PTPRA: variants seen among roughly 807,000 people sequenced by gnomAD.
The protein encoded by PTPRA is protein tyrosine phosphatase receptor type A.
Under a neutral mutation model 104.8 loss-of-function variants are expected in PTPRA, and 25 were observed. The ratio of observed to expected loss-of-function variants is 0.24; its 90% CI spans 0.17 to 0.33. PTPRA has a LOEUF of 0.33. PTPRA is among the 10% of genes least tolerant of loss of function. PTPRA has a pLI of 1.00. For synonymous variants in PTPRA, 323 were observed against 368.9 expected (o/e 0.88, Z 1.43); for missense variants, 765 against 1,015.3 (o/e 0.75, Z 3.35).
Position 2,965,006 on chromosome 20 carries a change from C to A in PTPRA, c.219C>A (p.Pro73=), listed in dbSNP as rs367794432. Residue 73 remains proline, a synonymous_variant, in exon 5 of 24, where the codon CCC becomes CCA. Coordinates refer to ENST00000399903, the MANE Select transcript of PTPRA (RefSeq NM_001385305.1). ...TCAGCCCAAATATAACTCTGGGACC[C>A]ACCTATTTAACCACTGTCAATTCTT... ...PTFSPNITLG[P]TYLTTVNSSD... 6.2e-7 allele frequency: 1 copy of A among 1,614,124 alleles called. No homozygotes were observed. Among genetic ancestry groups the A allele is most frequent in the Non-Finnish European group, 8.5e-7 (1 of 1,179,984 alleles).
In PTPRA at chr20:3,022,157, A is replaced by G; in HGVS notation, c.1265A>G (p.Lys422Arg). ...CCTTTTACCCCGATCGGCATGCTCA[A>G]GTTCCTCAAGAAGGTGAAGGCCTGT... ...GVPFTPIGML[K>R]FLKKVKACNP... The change falls in exon 15 of 24, where the codon AAG (lysine) becomes AGG (arginine). Residue 422 changes from lysine (K) to arginine (R), a missense_variant. Physicochemically the swap from Lys to Arg is conservative, Grantham distance 26. Around this residue, in one of 4 missense-constraint regions of PTPRA, gnomAD observed 245 missense variants for 398.7 expected, o/e 0.61. Coordinates refer to ENST00000399903, the MANE Select transcript of PTPRA (RefSeq NM_001385305.1). This position sits in a 1 kb window ranked among gnomAD's most constrained non-coding sequence, Gnocchi z 4.6. 1.9e-6 allele frequency: 3 copies of G among 1,614,210 alleles called. No homozygotes were observed. The highest frequency in any genetic ancestry group is 2.5e-6 in the Non-Finnish European group (3 of 1,180,020).
At chr20:3,028,052 A>G (rs1162270329) in intron 20 of PTPRA, among the ~76,000 whole-genome samples, 3 of 152,236 alleles carry the variant, frequency 2.0e-5, no homozygotes, top group African/African-American at 7.2e-5. Flanking sequence ...GTGTCTAAGC[A>G]GTCATTAGCT....
chr20:2,949,765 CTTCTAT>C (rs772525203), intron 3 of PTPRA, among the ~76,000 whole-genome samples: 1 of 150,546 alleles, frequency 6.6e-6, no homozygotes, highest in Non-Finnish European at 1.5e-5. Flanking sequence ...AGGAAGGTTT[CTTCTAT>C]TTCTATTTAA....
Position 3,038,135 on chromosome 20 carries a change from C to A in PTPRA, c.*2C>A. The A allele has an allele frequency of 1.2e-6, 2 of 1,606,522 alleles. No homozygotes were observed. Among genetic ancestry groups the A allele is most frequent in the Non-Finnish European group, 1.7e-6 (2 of 1,173,106 alleles). On this transcript the variant is annotated 3_prime_UTR_variant, in exon 24 of 24. Transcript: ENST00000399903. ...TCAGATTATGCCAACTTCAAGTAAGCGGCAACAAGGGTCCGTGGACCAGGA... is the reference window on the plus strand; with the variant it reads ...TCAGATTATGCCAACTTCAAGTAAGAGGCAACAAGGGTCCGTGGACCAGGA...
intron 13 of PTPRA, among the ~76,000 whole-genome samples, chr20:3,018,934 A>C (rs2064644481): frequency 1.6e-5 from 2 of 122,160 alleles, no homozygotes; most frequent in South Asian, 6.6e-4. Flanking sequence ...GCGGCCGGGC[A>C]GAGGCGCCCC....
intron 3 of PTPRA, among the ~76,000 whole-genome samples, chr20:2,961,526 A>T (rs1435349561): frequency 6.6e-6 from 1 of 152,112 alleles, no homozygotes; most frequent in Non-Finnish European, 1.5e-5. Flanking sequence ...CCTTTGTCAG[A>T]TCTATCTTTT....
rs182890933 is a variant in PTPRA at position 2,944,469 on chromosome 20, G to A, written c.-49-3513G>A. On this transcript the variant is annotated intron_variant, in intron 2 of 23. Transcript: ENST00000399903. ...TTGTTGATTGGGCCTCTCTCTTAAC[G>A]TAAGGAAGTGAGCCAAAGCTTCTCA... Among the ~76,000 whole-genome samples the A allele has an allele frequency of 7.4e-4, 112 of 152,264 alleles. 1 individual carries two copies. The highest frequency in any genetic ancestry group is 2.4e-3 in the African/African-American group (100 of 41,544).
chr20:2,979,115 A>T (rs1268954570), intron 6 of PTPRA, among the ~76,000 whole-genome samples: 2 of 152,222 alleles, frequency 1.3e-5, no homozygotes, highest in Non-Finnish European at 2.9e-5. Flanking sequence ...GGATAGTAGG[A>T]ATTTGAACTT....
intron 10 of PTPRA, among the ~76,000 whole-genome samples, chr20:3,006,591 A>G (rs2063883960): frequency 6.6e-6 from 1 of 152,224 alleles, no homozygotes; most frequent in Non-Finnish European, 1.5e-5. Context: ...TGAAGTATGG[A>G]ACCAAAAAAT....
intron 2 of PTPRA, among the ~76,000 whole-genome samples, chr20:2,942,662 C>T (rs1369880977): frequency 1.3e-5 from 2 of 151,824 alleles, no homozygotes; most frequent in South Asian, 2.1e-4. Flanking sequence ...GCAACTCCTC[C>T]CTGAATCTCC....
rs760805681 is a variant in PTPRA at position 3,022,858 on chromosome 20, G to A, written c.1464+34G>A. On this transcript the variant is annotated intron_variant, in intron 16 of 23. Transcript: ENST00000399903. The surrounding 1 kb of genome is among the most constrained non-coding windows in gnomAD (Gnocchi z 4.6). ...TCTGTGGGTCAGGTGAGGGTGGGGG[G>A]TTCCAGGACTAAAACATCTGCCCAC... 5.0e-6 allele frequency: 8 copies of A among 1,613,482 alleles called. No individual in the cohort carries two copies. Among genetic ancestry groups the A allele is most frequent in the Admixed American group, 3.3e-5 (2 of 59,956 alleles).
At chr20:2,943,632 C>G (rs939702693) in intron 2 of PTPRA, among the ~76,000 whole-genome samples, 1 of 152,190 alleles carries the variant, frequency 6.6e-6, no homozygotes, top group African/African-American at 2.4e-5. Flanking sequence ...CAAGTCTACT[C>G]TTTATCAACT....
chr20:2,975,024 G>A (rs1027502925), intron 5 of PTPRA, among the ~76,000 whole-genome samples, 191 bp from the exon 6 acceptor site: 1 of 152,154 alleles, frequency 6.6e-6, no homozygotes, highest in East Asian at 1.9e-4. Flanking sequence ...CACTATTTGT[G>A]TACCCAGGGA....
At chr20:2,959,329 A>G (rs915699304) in intron 3 of PTPRA, among the ~76,000 whole-genome samples, 1 of 152,278 alleles carries the variant, frequency 6.6e-6, no homozygotes, top group South Asian at 2.1e-4. Context: ...TGGATATTTC[A>G]TATGATTGAT....
At chr20:3,017,051 T>TC (rs1225815325) in intron 12 of PTPRA, among the ~76,000 whole-genome samples, 3 of 152,192 alleles carry the variant, frequency 2.0e-5, no homozygotes, top group African/African-American at 7.2e-5. Flanking sequence ...ATAGTTTTTT[T>TC]CCCCCTTCTT....
intron 20 of PTPRA, among the ~76,000 whole-genome samples, chr20:3,034,297 G>T (rs1334904039): frequency 6.6e-6 from 1 of 152,092 alleles, no homozygotes; most frequent in South Asian, 2.1e-4. Context: ...GAGACTCTTA[G>T]TGTTGATACC....
At chr20:3,014,003 C>T (rs16988217) in intron 11 of PTPRA, among the ~76,000 whole-genome samples, 8,345 of 152,206 alleles carry the variant, frequency 0.055, 727 homozygotes, top group African/African-American at 0.19. Context: ...GCCTTCCAAC[C>T]AGGTGTTCAG....
chr20:2,882,015 A>G (rs2090079464), intron 1 of PTPRA, among the ~76,000 whole-genome samples: 1 of 152,146 alleles, frequency 6.6e-6, no homozygotes, highest in African/African-American at 2.4e-5. Flanking sequence ...AAAAAGAAAA[A>G]AGACAAAAAA....
At chr20:2,907,102 A>G (rs1402398243) in intron 1 of PTPRA, among the ~76,000 whole-genome samples, 1 of 152,248 alleles carries the variant, frequency 6.6e-6, no homozygotes, top group Non-Finnish European at 1.5e-5. Flanking sequence ...AAAGCAGCTC[A>G]ACGTTGCTTA....
Sources: allele counts gnomAD v4.1 joint callset (sites outside exome capture counted in the v4.1 genomes callset), GRCh38; gene constraint gnomAD v4.1.1; regional missense constraint gnomAD v4.1.1; non-coding constraint Gnocchi (gnomAD v3.1); transcripts MANE v1.5; gene names NCBI Gene and HGNC (gene_info 2026-07-23, HGNC 2026-07-21).